P4HA3: variants seen among roughly 807,000 people sequenced by gnomAD.
P4HA3 encodes prolyl 4-hydroxylase subunit alpha-3.
A neutral mutation model predicts 66.7 loss-of-function variants in P4HA3; 60 were observed. That is an observed-to-expected ratio of 0.90 (90% confidence interval 0.73 to 1.12). P4HA3 has a LOEUF of 1.12. P4HA3 is among the 50% of genes most tolerant of loss of function. The pLI is 0.00. For synonymous variants in P4HA3, 263 were observed against 274.6 expected (o/e 0.96, Z 0.42); for missense variants, 683 against 685.8 (o/e 1.00, Z 0.05).
intron 14 of P4HA3, among the ~76,000 whole-genome samples, chr11:74,261,546 G>T (rs914145147): frequency 6.6e-6 from 1 of 151,828 alleles, no homozygotes; most frequent in African/African-American, 2.4e-5. Flanking sequence ...GCATTTGTCT[G>T]CTTCCTGCCG....
intron 3 of P4HA3, among the ~76,000 whole-genome samples, chr11:74,301,773 A>T: frequency 6.6e-6 from 1 of 152,176 alleles, no homozygotes; most frequent in Non-Finnish European, 1.5e-5. Context: ...GTGTTCCTGA[A>T]GTCTATTTCC....
At chr11:74,289,352 C>T (rs1452172951) in intron 4 of P4HA3, among the ~76,000 whole-genome samples, 3 of 152,110 alleles carry the variant, frequency 2.0e-5, no homozygotes. Context: ...TTATGACCAC[C>T]CTTACCGGGC....
At position 74,267,087 on chromosome 11, in the gene P4HA3, GGT is replaced by G. The variant is rs1860012358; in HGVS notation, c.*159_*160del. 1 of 1,538,614 alleles carries G rather than the reference GGT, an allele frequency of 6.5e-7. No homozygotes were observed. Among genetic ancestry groups the G allele is most frequent in the East Asian group, 2.4e-5 (1 of 41,104 alleles). On this transcript the variant is annotated 3_prime_UTR_variant, in exon 13 of 13. Transcript: ENST00000331597. ...CAAATGTACATTCTCAGTGTCCCCT[GGT>G]AACAACCTCTCCCTTGCCTCTGATT...
At chr11:74,275,579 T>C (rs1860366809) in intron 9 of P4HA3, among the ~76,000 whole-genome samples, 1 of 152,254 alleles carries the variant, frequency 6.6e-6, no homozygotes, top group South Asian at 2.1e-4. Context: ...CCTGTAGCTC[T>C]ATATTAAGTT....
intron 5 of P4HA3, 129 bp downstream of exon 5, chr11:74,288,948 CAA>C (rs36086552): frequency 0.056 from 19,836 of 357,168 alleles, 120 homozygotes; most frequent in Middle Eastern, 0.09. Flanking sequence ...GATGCCATCT[CAA>C]AAAAAAAAAA....
At chr11:74,294,086 A>G (rs563166943) in intron 4 of P4HA3, among the ~76,000 whole-genome samples, 77 of 152,336 alleles carry the variant, frequency 5.1e-4, no homozygotes, top group African/African-American at 1.7e-3. Context: ...AAGTACACCA[A>G]TCAGACGTAG....
intron 7 of P4HA3, chr11:74,285,582 T>C (rs1198767196): frequency 2.1e-6 from 1 of 466,036 alleles, no homozygotes; most frequent in Non-Finnish European, 3.8e-6. Context: ...ACATTTTCAA[T>C]ACCCCAGAGA....
intron 12 of P4HA3, 136 bp downstream of exon 12, chr11:74,268,009 C>T (rs1446635063): frequency 1.3e-6 from 1 of 760,842 alleles, no homozygotes; most frequent in African/African-American, 1.7e-5. Context: ...CATTCATAAT[C>T]TGATCTTCTC....
chr11:74,311,566 G>GCGCCAGCAC lies in P4HA3; in HGVS notation c.37_45dup (p.Val13_Ala15dup). On this transcript the variant is annotated inframe_insertion, in exon 1 of 13. Transcript: ENST00000331597. Reference sequence around the variant, plus strand: ...GCCCTTTCTGGGTCTCCTGTCCCGAGCGCCAGCACCGCCAGCAGCGCCGCC... The same window carrying GCGCCAGCAC: ...GCCCTTTCTGGGTCTCCTGTCCCGAGCGCCAGCACCGCCAGCACCGCCAGCAGCGCCGCC... 1 of 1,535,614 alleles carries GCGCCAGCAC rather than the reference G, an allele frequency of 6.5e-7. No homozygotes were observed. Among genetic ancestry groups the GCGCCAGCAC allele is most frequent in the Non-Finnish European group, 8.7e-7 (1 of 1,152,152 alleles).
At chr11:74,256,039 C>G (rs551767091) in intron 15 of P4HA3, 1 of 478,278 alleles carries the variant, frequency 2.1e-6, no homozygotes, top group African/African-American at 2.0e-5. Flanking sequence ...TGAATGTCAT[C>G]TAATTCACTT....
At chr11:74,266,266 G>A (rs1182475591), downstream of P4HA3, among the ~76,000 whole-genome samples, 1 of 151,890 alleles carries the variant, frequency 6.6e-6, no homozygotes, top group African/African-American at 2.4e-5. Flanking sequence ...CATCCATGGG[G>A]AGTTTGTTCC....
Position 74,254,874 on chromosome 11 carries a change from A to T in P4HA3, c.*1318+5049T>A, listed in dbSNP as rs531188646. On this transcript the variant is annotated intron_variant and NMD_transcript_variant, in intron 15 of 15. Transcript: ENST00000524388. ...CCAGAATGCCCAGTGGGATGGTCAGAGCCACCCTCCTCTGCAGCCAGGATG... is the reference window on the plus strand; with the variant it reads ...CCAGAATGCCCAGTGGGATGGTCAGTGCCACCCTCCTCTGCAGCCAGGATG... Among the ~76,000 whole-genome samples the T allele has an allele frequency of 1.3e-3, 195 of 152,192 alleles. 1 individual carries two copies. The highest frequency in any genetic ancestry group is 0.013 in the Admixed American group (193 of 15,282).
In P4HA3 at chr11:74,258,644, C is replaced by T. The variant is rs1007436893; in HGVS notation, c.*1318+1279G>A. Among the ~76,000 whole-genome samples the T allele has an allele frequency of 7.2e-5, 11 of 152,178 alleles. No individual in the cohort carries two copies. The East Asian group carries it at 2.1e-3, about 29-fold the overall frequency. On this transcript the variant is annotated intron_variant and NMD_transcript_variant, in intron 15 of 15. Transcript: ENST00000524388. ...ACTTCCAGACGAGTGCCTTTTTAGT[C>T]CCACACCATAGCAGAAGGAGAGGAG...
intron 7 of P4HA3, among the ~76,000 whole-genome samples, chr11:74,282,114 G>A (rs1365628245): frequency 2.0e-5 from 3 of 147,106 alleles, no homozygotes; most frequent in African/African-American, 7.5e-5. Flanking sequence ...GTTCTTTTAG[G>A]GCAAAATCAA....
Position 74,303,359 on chromosome 11 carries a change from A to G in P4HA3, c.344-767T>C, listed in dbSNP as rs1591136602. 4.0e-5 allele frequency among the ~76,000 whole-genome samples: 6 copies of G among 149,634 alleles called. No individual in the cohort carries two copies. In the South Asian group the frequency reaches 1.3e-3, roughly 31 times the overall value. On this transcript the variant is annotated intron_variant, in intron 2 of 12. Coordinates refer to ENST00000331597, the MANE Select transcript of P4HA3 (RefSeq NM_182904.5). ...GCCCAGGCTAGAGAGCAGTGGCGCA[A>G]TCTCAGCTCACTGCAACCTCCACCT...
At chr11:74,310,655 C>A (rs1453550158) in intron 1 of P4HA3, among the ~76,000 whole-genome samples, 1 of 152,202 alleles carries the variant, frequency 6.6e-6, no homozygotes, top group Admixed American at 6.5e-5. Flanking sequence ...GGAACACTGC[C>A]TGGCTCTTAG....
At chr11:74,302,694 A>C in intron 2 of P4HA3, 102 bp from the exon 3 acceptor site, 1 of 1,117,274 alleles carries the variant, frequency 9.0e-7, no homozygotes, top group Non-Finnish European at 1.3e-6. Context: ...TAATGACATC[A>C]AGTTGGATTT....
chr11:74,289,251 G>C, intron 4 of P4HA3, 121 bp from the exon 5 acceptor site: 1 of 889,358 alleles, frequency 1.1e-6, no homozygotes, highest in Non-Finnish European at 1.6e-6. Context: ...AGATAATAAG[G>C]CTCACTGAAA....
rs918768682 is a variant in P4HA3 at position 74,266,743 on chromosome 11, A to G, written c.*505T>C. 2.6e-5 allele frequency: 7 copies of G among 273,728 alleles called. No homozygotes were observed. The highest frequency in any genetic ancestry group is 1.5e-4 in the African/African-American group (7 of 45,796). 17.0% of individuals were successfully genotyped at this position (273,728 alleles called of 1,614,324 possible). On this transcript the variant is annotated 3_prime_UTR_variant, in exon 13 of 13. Coordinates refer to ENST00000331597, the MANE Select transcript of P4HA3 (RefSeq NM_182904.5). Reference sequence around the variant, plus strand: ...TGTTTTCAACTTAAAAAAAATCCTTATATAATGTACCACTCATCTGGGATA... The same window carrying G: ...TGTTTTCAACTTAAAAAAAATCCTTGTATAATGTACCACTCATCTGGGATA...
Sources: allele counts gnomAD v4.1 joint callset (sites outside exome capture counted in the v4.1 genomes callset), GRCh38; gene constraint gnomAD v4.1.1; transcripts MANE v1.5; gene names NCBI Gene and HGNC (gene_info 2026-07-23, HGNC 2026-07-21).